The following FBN2 variants were observed in gnomAD, a reference collection of about 807,000 sequenced individuals.
FBN2 encodes the protein fibrillin 2.
In FBN2, 105 loss-of-function variants were observed where a neutral mutation model predicts 355.6. The observed-to-expected ratio is 0.30, with a 90% CI of 0.25 to 0.35. FBN2 has a LOEUF of 0.35. Ranked by LOEUF, FBN2 falls within the 10% of genes least tolerant of loss-of-function variation. The probability of loss-of-function intolerance (pLI) is 1.00; values close to 1 mark genes in which losing one functional copy is unlikely to be tolerated. For synonymous variants in FBN2, 1,350 were observed against 1,301.2 expected, an observed-to-expected ratio of 1.04 and a Z score of -0.81; for missense variants, 3,280 against 3,758.7, an observed-to-expected ratio of 0.87 and a Z score of 3.33.
intron 6 of FBN2, among the ~76,000 whole-genome samples, chr5:128,461,010 A>C (rs1581317167): frequency 2.0e-5 from 3 of 152,340 alleles, no homozygotes; most frequent in Middle Eastern, 6.8e-3. Flanking sequence ...AATGTGATTG[A>C]ATTAAACTAA....
chr5:128,476,183 T>C (rs1215970922), intron 5 of FBN2, among the ~76,000 whole-genome samples: 1 of 152,112 alleles, frequency 6.6e-6, no homozygotes, highest in East Asian at 1.9e-4. Context: ...TGAAAATAGA[T>C]AACTGAAGTA....
At chr5:128,324,142 C>T (rs1042282453) in intron 34 of FBN2, among the ~76,000 whole-genome samples, 7 of 152,086 alleles carry the variant, frequency 4.6e-5, no homozygotes, top group African/African-American at 2.4e-5. Context: ...GATATCCCCC[C>T]CTTTATCATT....
intron 8 of FBN2, among the ~76,000 whole-genome samples, chr5:128,404,012 A>G (rs975104583): frequency 1.3e-5 from 2 of 152,232 alleles, no homozygotes; most frequent in African/African-American, 4.8e-5. Flanking sequence ...GACAAAATTC[A>G]GCAAATGTCA....
chr5:128,455,775 T>G (rs1754366242), intron 6 of FBN2, among the ~76,000 whole-genome samples: 1 of 151,638 alleles, frequency 6.6e-6, no homozygotes, highest in Non-Finnish European at 1.5e-5. Flanking sequence ...AACTGTTTTT[T>G]CCAGGGAACT....
At chr5:128,449,433 CTGTATAATTATATAGTATACTATAT>C (rs1561462787) in intron 6 of FBN2, among the ~76,000 whole-genome samples, 1 of 137,548 alleles carries the variant, frequency 7.3e-6, no homozygotes, top group African/African-American at 2.8e-5. Context: ...TAATAGTATA[CTGTATAATTATATAGTATACTATAT>C]AATAGTATAC....
chr5:128,516,795 T>C (rs1374753218), intron 5 of FBN2, among the ~76,000 whole-genome samples: 1 of 152,194 alleles, frequency 6.6e-6, no homozygotes, highest in Non-Finnish European at 1.5e-5. Flanking sequence ...GTTACTCTTT[T>C]TGCATCCACA....
chr5:128,274,806 G>A (rs1055049077), intron 59 of FBN2, 123 bp from the exon 60 acceptor site: 1 of 735,472 alleles, frequency 1.4e-6, no homozygotes, highest in African/African-American at 1.7e-5. Flanking sequence ...TTTGCTGGAA[G>A]CTTCGTAGAT....
Position 128,537,716 on chromosome 5 carries a change from G to A in FBN2, c.-113C>T, listed in dbSNP as rs1756898776. 2.8e-6 allele frequency: 3 copies of A among 1,056,802 alleles called. No homozygotes were observed. Among genetic ancestry groups the A allele is most frequent in the Admixed American group, 4.0e-5 (2 of 49,554 alleles). 65.5% of individuals were successfully genotyped at this position (1,056,802 alleles called of 1,614,324 possible). ...CTAATAAGCCCTTCGTCGGCTCCGG[G>A]GACTCCCTCGGGCTCGGGCTCCCTG... On this transcript the variant is annotated 5_prime_UTR_variant, in exon 1 of 65. Transcript: ENST00000262464.
At chr5:128,305,476 C>T (rs1411642274) in intron 44 of FBN2, 35 bp downstream of exon 44, 2 of 1,612,838 alleles carry the variant, frequency 1.2e-6, no homozygotes, top group Non-Finnish European at 1.7e-6. Context: ...GAATCTTGTG[C>T]TCAGTGCCAA....
chr5:128,415,045 T>C (rs925265443), intron 7 of FBN2, among the ~76,000 whole-genome samples: 4 of 152,198 alleles, frequency 2.6e-5, no homozygotes, highest in African/African-American at 9.7e-5. Flanking sequence ...TGCCTATGAA[T>C]TTCCATGTAA....
rs781256451 is a variant in FBN2 at position 128,278,844 on chromosome 5, G to C, written c.7139-3C>G. The C allele has an allele frequency of 1.2e-6, 2 of 1,611,884 alleles. No individual in the cohort carries two copies. The highest frequency in any genetic ancestry group is 3.3e-5 in the Admixed American group (2 of 59,980). Reference sequence around the variant, plus strand: ...AAAGCAGAGACCCTGTCGATTGTCTGAAATGGCAAAGTAGAAAGAGTTAAG... The same window carrying C: ...AAAGCAGAGACCCTGTCGATTGTCTCAAATGGCAAAGTAGAAAGAGTTAAG... On this transcript the variant is annotated splice_region_variant and splice_polypyrimidine_tract_variant and intron_variant, in intron 56 of 64. Transcript: ENST00000262464.
intron 8 of FBN2, among the ~76,000 whole-genome samples, chr5:128,401,485 A>T (rs866579758): frequency 6.6e-6 from 1 of 152,146 alleles, no homozygotes; most frequent in African/African-American, 2.4e-5. Context: ...TCTTTAAATT[A>T]AAAAAATTAA....
intron 32 of FBN2, among the ~76,000 whole-genome samples, chr5:128,331,418 G>A (rs892195712): frequency 6.6e-6 from 1 of 152,184 alleles, no homozygotes; most frequent in African/African-American, 2.4e-5. Flanking sequence ...CTGAAAAAAT[G>A]AAAGGAGGTT....
chr5:128,414,974 T>C (rs1390997455), intron 7 of FBN2, among the ~76,000 whole-genome samples: 1 of 152,212 alleles, frequency 6.6e-6, no homozygotes, highest in Admixed American at 6.5e-5. Context: ...ATTAAGTTAC[T>C]TATGTTTTTA....
intron 36 of FBN2, among the ~76,000 whole-genome samples, chr5:128,317,681 G>A (rs991994145): frequency 1.3e-5 from 2 of 151,838 alleles, no homozygotes; most frequent in Non-Finnish European, 2.9e-5. Flanking sequence ...CCTTCATTAC[G>A]GCCTCCTCCT....
rs1324152425 is a variant in FBN2, at chr5:128,537,683, G to C, written c.-80C>G. 3 of 1,417,342 alleles carry C rather than the reference G, an allele frequency of 2.1e-6. No homozygotes were observed. The highest frequency in any genetic ancestry group is 2.8e-5 in the African/African-American group (2 of 71,060). The allele number at this position is 1,417,342 out of a possible 1,614,324, so 87.8% of individuals were successfully genotyped here. ...CAAAATCTGCGCGCCTCAGAAAAGAGTCAGGGTCTAATAAGCCCTTCGTCG... is the reference window on the plus strand; with the variant it reads ...CAAAATCTGCGCGCCTCAGAAAAGACTCAGGGTCTAATAAGCCCTTCGTCG... On this transcript the variant is annotated 5_prime_UTR_variant, in exon 1 of 65. Transcript: ENST00000262464.
chr5:128,286,901 T>C, intron 54 of FBN2, 52 bp from the exon 55 acceptor site: 1 of 1,560,700 alleles, frequency 6.4e-7, no homozygotes, highest in East Asian at 2.4e-5. Flanking sequence ...TGTAGTTTAG[T>C]ACTTTTAAGT....
At chr5:128,292,272 C>T (rs1749346598) in intron 48 of FBN2, among the ~76,000 whole-genome samples, 1 of 152,100 alleles carries the variant, frequency 6.6e-6, no homozygotes, top group African/African-American at 2.4e-5. Flanking sequence ...CATATTTTGA[C>T]AGTGTTATCA....
chr5:128,260,369 A>C (rs1313762815), intron 64 of FBN2, among the ~76,000 whole-genome samples: 1 of 152,208 alleles, frequency 6.6e-6, no homozygotes, highest in Non-Finnish European at 1.5e-5. Flanking sequence ...CAGAGTTCTC[A>C]GGGCTCCAGT....
Sources: gnomAD v4.1 joint callset for allele counts (sites outside exome capture counted in the v4.1 genomes callset) on GRCh38, gnomAD v4.1.1 for gene constraint, MANE v1.5 for transcripts, NCBI Gene and HGNC (gene_info 2026-07-23, HGNC 2026-07-21) for gene names.